PDE1C: variants seen among roughly 807,000 people sequenced by gnomAD.
The protein encoded by PDE1C is phosphodiesterase 1C, also known as dual specificity calcium/calmodulin-dependent 3',5'-cyclic nucleotide phosphodiesterase 1C.
PDE1C carries 62 observed loss-of-function variants against 93.1 expected under a neutral mutation model. The ratio of observed to expected loss-of-function variants is 0.67; its 90% confidence interval spans 0.54 to 0.82. PDE1C has a LOEUF of 0.82. Ranked by LOEUF, PDE1C falls within the 40% of genes least tolerant of loss-of-function variation. The pLI, the probability that PDE1C is intolerant of heterozygous loss-of-function variation, is 0.00. For synonymous variants in PDE1C, 325 were observed against 310.1 expected, an observed-to-expected ratio of 1.05 and a Z score of -0.50; for missense variants, 742 against 884.6, an observed-to-expected ratio of 0.84 and a Z score of 2.04.
intron 7 of PDE1C, among the ~76,000 whole-genome samples, chr7:31,853,205 A>G (rs989740216): frequency 6.6e-6 from 1 of 152,212 alleles, no homozygotes; most frequent in Non-Finnish European, 1.5e-5. Context: ...GAATGGTTAA[A>G]CAGGCATTCA....
At chr7:32,180,336 T>G (rs929831628) in intron 2 of PDE1C, among the ~76,000 whole-genome samples, 1 of 152,218 alleles carries the variant, frequency 6.6e-6, no homozygotes, top group Non-Finnish European at 1.5e-5. Flanking sequence ...ATTTGATCTG[T>G]GATGATACAT....
chr7:32,248,035 T>C (rs1470192059), intron 1 of PDE1C, among the ~76,000 whole-genome samples: 1 of 152,148 alleles, frequency 6.6e-6, no homozygotes, highest in South Asian at 2.1e-4. Context: ...TAAGTAACAA[T>C]ATACTATGTG....
intron 3 of PDE1C, among the ~76,000 whole-genome samples, chr7:32,109,359 G>A (rs1798519886): frequency 6.6e-6 from 1 of 152,204 alleles, no homozygotes; most frequent in Non-Finnish European, 1.5e-5. Context: ...CAAGGGAAGA[G>A]ATGGCAAAAT....
the PDE1C span, among the ~76,000 whole-genome samples, chr7:31,620,278 G>C: frequency 2.0e-5 from 3 of 152,180 alleles, no homozygotes; most frequent in Admixed American, 1.3e-4. Context: ...CATGCAGCTG[G>C]AGATCTGAGA....
intron 1 of PDE1C, among the ~76,000 whole-genome samples, chr7:32,055,589 A>G (rs1382528213): frequency 2.0e-5 from 3 of 152,206 alleles, no homozygotes; most frequent in Non-Finnish European, 1.5e-5. Context: ...ACAATAAAAC[A>G]TACTGCATTC....
intron 3 of PDE1C, among the ~76,000 whole-genome samples, chr7:32,081,731 C>T (rs908960944): frequency 5.7e-4 from 87 of 152,190 alleles, no homozygotes; most frequent in Non-Finnish European, 1.2e-3. Flanking sequence ...CTTTTCAAAC[C>T]CCTCTGCCTT....
At chr7:31,771,702 T>C (rs1795498035) in intron 17 of PDE1C, among the ~76,000 whole-genome samples, 2 of 152,160 alleles carry the variant, frequency 1.3e-5, no homozygotes, top group South Asian at 4.1e-4. Flanking sequence ...ACTGTATTCA[T>C]GTGTCTTTTG....
At chr7:32,419,639 G>A (rs1426911199) in intron 1 of PDE1C, among the ~76,000 whole-genome samples, 1 of 152,162 alleles carries the variant, frequency 6.6e-6, no homozygotes. Flanking sequence ...CTAGCCCTGG[G>A]CTTCGGCTCC....
chr7:31,992,902 T>C lies in PDE1C; in HGVS notation c.128+58652A>G, dbSNP rs369854035. On this transcript the variant is annotated intron_variant, in intron 2 of 17. Coordinates refer to ENST00000396191, the MANE Select transcript of PDE1C (RefSeq NM_001191057.4). ...ATCAATATAGTTAGTTGAAGTGTTA[T>C]TGTTTTCCATTCTGCACTGGCATTT... Among the ~76,000 whole-genome samples the C allele has an allele frequency of 9.2e-5, 14 of 152,302 alleles. 3 individuals are homozygous for C. Among genetic ancestry groups the C allele is most frequent in the African/African-American group, 2.4e-5 (1 of 41,574 alleles).
chr7:31,776,612 G>A (rs536873627), intron 16 of PDE1C, among the ~76,000 whole-genome samples: 93 of 152,046 alleles, frequency 6.1e-4, no homozygotes, highest in African/African-American at 1.8e-3. Context: ...ATATACATAC[G>A]CATATATTTA....
intron 1 of PDE1C, among the ~76,000 whole-genome samples, chr7:32,356,263 A>G (rs1462161006): frequency 6.6e-6 from 1 of 152,228 alleles, no homozygotes; most frequent in Non-Finnish European, 1.5e-5. Context: ...AAACTGGTTC[A>G]CTGGCAAAGA....
chr7:32,272,888 T>C (rs898080114), intron 1 of PDE1C, among the ~76,000 whole-genome samples: 4 of 152,194 alleles, frequency 2.6e-5, no homozygotes, highest in African/African-American at 9.7e-5. Flanking sequence ...AAATATTGAA[T>C]GTGACAAAGG....
chr7:31,718,537 T>C, the PDE1C span, among the ~76,000 whole-genome samples: 1 of 152,188 alleles, frequency 6.6e-6, no homozygotes, highest in African/African-American at 2.4e-5. Flanking sequence ...CTCAACTACA[T>C]CTGAAGGGAA....
chr7:32,377,714 C>T (rs1463479458), intron 1 of PDE1C, among the ~76,000 whole-genome samples: 1 of 152,114 alleles, frequency 6.6e-6, no homozygotes, highest in South Asian at 2.1e-4. Context: ...AATTGAGACA[C>T]AAAGAGATTA....
intron 1 of PDE1C, among the ~76,000 whole-genome samples, chr7:32,069,149 T>C (rs941071721): frequency 2.6e-5 from 4 of 152,228 alleles, no homozygotes; most frequent in African/African-American, 9.6e-5. Context: ...ATGGCTTTTA[T>C]AAATTGCACC....
intron 1 of PDE1C, among the ~76,000 whole-genome samples, chr7:32,248,738 G>C (rs1809143977): frequency 1.3e-5 from 2 of 152,240 alleles, no homozygotes; most frequent in Non-Finnish European, 2.9e-5. Context: ...CTCTGACCCA[G>C]ATGCTGCACT....
At chr7:31,868,226 T>A (rs1303449002) in intron 6 of PDE1C, among the ~76,000 whole-genome samples, 2 of 152,174 alleles carry the variant, frequency 1.3e-5, no homozygotes, top group Non-Finnish European at 2.9e-5. Flanking sequence ...AAGTCTTGGA[T>A]AAATAATTCA....
intron 3 of PDE1C, among the ~76,000 whole-genome samples, chr7:32,130,093 T>C (rs1241454252): frequency 6.6e-6 from 1 of 152,162 alleles, no homozygotes; most frequent in Non-Finnish European, 1.5e-5. Flanking sequence ...TGTTTTATTA[T>C]CTAGATTTCC....
chr7:32,095,501 G>C (rs1797703465), intron 3 of PDE1C, among the ~76,000 whole-genome samples: 1 of 152,202 alleles, frequency 6.6e-6, no homozygotes, highest in Non-Finnish European at 1.5e-5. Context: ...CTCAGTTGCA[G>C]CTGCAGAGGT....
Sources: gnomAD v4.1 joint callset for allele counts (sites outside exome capture counted in the v4.1 genomes callset) on GRCh38, gnomAD v4.1.1 for gene constraint, MANE v1.5 for transcripts, NCBI Gene and HGNC (gene_info 2026-07-23, HGNC 2026-07-21) for gene names.